The following PLEKHH1 variants were observed in gnomAD, a reference collection of about 807,000 sequenced individuals.
PLEKHH1 encodes the protein pleckstrin homology domain-containing family H member 1.
PLEKHH1 carries 104 observed loss-of-function variants against 160.0 expected under a neutral mutation model. The observed-to-expected ratio is 0.65, with a 90% confidence interval of 0.55 to 0.76. The LOEUF (loss-of-function observed/expected upper bound fraction) is 0.76. PLEKHH1 is among the 30% of genes least tolerant of loss of function. The pLI is 0.00. For missense variants in PLEKHH1, 1,427 were observed against 1,724.1 expected (o/e 0.83, Z 3.05); for synonymous variants, 619 against 678.4 (o/e 0.91, Z 1.36).
intron 11 of PLEKHH1, 98 bp downstream of exon 11, chr14:67,572,375 A>T: frequency 1.3e-5 from 5 of 373,134 alleles, no homozygotes; most frequent in Non-Finnish European, 1.9e-5. Flanking sequence ...GCCTGAAGTG[A>T]GGGGTCCCTA....
intron 9 of PLEKHH1, 105 bp from the exon 10 acceptor site, chr14:67,571,647 G>T (rs923618195): frequency 3.5e-6 from 4 of 1,130,110 alleles, no homozygotes; most frequent in Non-Finnish European, 2.6e-6. Flanking sequence ...TCCCGGCTGG[G>T]GGTTGGCCAC....
At chr14:67,547,475 G>A (rs2034226572) in intron 2 of PLEKHH1, among the ~76,000 whole-genome samples, 1 of 152,188 alleles carries the variant, frequency 6.6e-6, no homozygotes, top group Non-Finnish European at 1.5e-5. Flanking sequence ...GAGAGCTCCT[G>A]CTGGGGCCAA....
rs931812926 is a variant in PLEKHH1, at chr14:67,578,725, C to T, written c.2849+94C>T. On this transcript the variant is annotated intron_variant, in intron 20 of 28. Coordinates refer to ENST00000329153, the MANE Select transcript of PLEKHH1 (RefSeq NM_020715.3). The surrounding 1 kb of genome is among the most constrained non-coding windows in gnomAD (Gnocchi z 5.0). The stretch of plus-strand genomic sequence containing the variant: ...GAGGAGTCTAGGGCAGACCAGATCA[C>T]TCCTGTCCTCTGAAACCGCTCAGTG... 34 of 815,050 alleles carry T rather than the reference C, an allele frequency of 4.2e-5. No homozygotes were observed. In the African/African-American group the frequency reaches 4.7e-4, roughly 11 times the overall value. The allele number at this position is 815,050 out of a possible 1,614,324, so 50.5% of individuals were successfully genotyped here.
chr14:67,585,686 C>T (rs1473227308), intron 27 of PLEKHH1, 32 bp downstream of exon 27: 1 of 1,402,102 alleles, frequency 7.1e-7, no homozygotes, highest in African/African-American at 1.4e-5. Context: ...TCCCTGACCC[C>T]TCCTCTTCCT....
At chr14:67,541,595 G>T (rs964924367) in intron 1 of PLEKHH1, among the ~76,000 whole-genome samples, 6 of 152,176 alleles carry the variant, frequency 3.9e-5, no homozygotes, top group African/African-American at 1.4e-4. Context: ...TCTCCTTAAG[G>T]TTTCTCAGGT....
Position 67,569,164 on chromosome 14 carries a change from A to T in PLEKHH1, c.1290A>T (p.Thr430=). The part of the protein sequence containing the change: ...SWESRIYAVA[T]SGMRLSDMSP... ...AGAGCCGGATCTATGCTGTGGCCAC[A>T]TCGGGCATGCGGCTCTCAGATATGT... The change falls in exon 8 of 29, where the codon ACA becomes ACT. Residue 430 remains threonine, a synonymous_variant. Transcript: ENST00000329153. 6.2e-7 allele frequency: 1 copy of T among 1,613,166 alleles called. No individual in the cohort carries two copies. Among genetic ancestry groups the T allele is most frequent in the Non-Finnish European group, 8.5e-7 (1 of 1,179,348 alleles).
At chr14:67,571,991 G>A in intron 10 of PLEKHH1, 89 bp downstream of exon 10, 1 of 1,506,590 alleles carries the variant, frequency 6.6e-7, no homozygotes, top group Non-Finnish European at 9.0e-7. Flanking sequence ...GTCCCCACTT[G>A]ATCTGAGCTC....
Position 67,576,351 on chromosome 14 carries a change from C to T in PLEKHH1, c.2353-44C>T. 8.8e-7 allele frequency: 1 copy of T among 1,142,686 alleles called. No individual in the cohort carries two copies. Among genetic ancestry groups the T allele is most frequent in the African/African-American group, 1.5e-5 (1 of 65,880 alleles). The allele number at this position is 1,142,686 out of a possible 1,614,324, so 70.8% of individuals were successfully genotyped here. A position where few individuals can be genotyped will look rare whatever the true frequency, so the allele number is the denominator to read the frequency against. The stretch of plus-strand genomic sequence containing the variant: ...CCTCCTTGGAGCTCTTGCCTCCACT[C>T]TTCCCACCCCGTCCCCATCCGATGG... On this transcript the variant is annotated intron_variant, in intron 16 of 28. Transcript: ENST00000329153. The surrounding 1 kb of genome is among the most constrained non-coding windows in gnomAD (Gnocchi z 4.0).
At chr14:67,558,258 C>T (rs1459037522) in intron 4 of PLEKHH1, among the ~76,000 whole-genome samples, 1 of 152,196 alleles carries the variant, frequency 6.6e-6, no homozygotes, top group Non-Finnish European at 1.5e-5. Context: ...AAACACCCCA[C>T]AGTCTGGACA....
At position 67,574,238 on chromosome 14, in the gene PLEKHH1, A is replaced by T; in HGVS notation, c.1927-4A>T. 1 of 1,593,740 alleles carries T rather than the reference A, an allele frequency of 6.3e-7. No homozygotes were observed. Among genetic ancestry groups the T allele is most frequent in the South Asian group, 1.1e-5 (1 of 87,272 alleles). ...GCCCCACCCCCATATCTCGCCCTCC[A>T]CAGCTCATCTCTGAGAAGAAAACCT... is the stretch of plus-strand genomic sequence containing the variant. On this transcript the variant is annotated splice_region_variant and splice_polypyrimidine_tract_variant and intron_variant, in intron 13 of 28. Transcript: ENST00000329153. The surrounding 1 kb of genome is among the most constrained non-coding windows in gnomAD (Gnocchi z 4.2).
chr14:67,580,499 A>G (rs1387722080), intron 22 of PLEKHH1, among the ~76,000 whole-genome samples: 5 of 152,240 alleles, frequency 3.3e-5, no homozygotes, highest in African/African-American at 9.6e-5. Context: ...AAAGGCTTCT[A>G]TGGTCTTTTA....
chr14:67,586,385 C>A (rs1049224769), intron 28 of PLEKHH1: 1 of 1,371,498 alleles, frequency 7.3e-7, no homozygotes, highest in South Asian at 1.2e-5. Context: ...ATCATGCAGT[C>A]CTCAGTTGGG....
In PLEKHH1 at chr14:67,589,226, C is replaced by T; in HGVS notation, c.*1991C>T. Reference sequence around the variant, plus strand: ...CACTGAATTTGGGGTCAATCTATTTCCCCCACCCTCTCTCCTCCCCAACCC... The same window carrying T: ...CACTGAATTTGGGGTCAATCTATTTTCCCCACCCTCTCTCCTCCCCAACCC... On this transcript the variant is annotated 3_prime_UTR_variant, in exon 29 of 29. Transcript: ENST00000329153. The T allele has an allele frequency of 4.9e-6, 2 of 412,100 alleles. No individual in the cohort carries two copies. Among genetic ancestry groups the T allele is most frequent in the Non-Finnish European group, 6.5e-6 (2 of 305,904 alleles). The allele number at this position is 412,100 out of a possible 1,614,324, so 25.5% of individuals were successfully genotyped here.
chr14:67,574,491 C>T lies in PLEKHH1; in HGVS notation c.2088+88C>T, dbSNP rs927007166. On this transcript the variant is annotated intron_variant, in intron 14 of 28. Transcript: ENST00000329153. The surrounding 1 kb of genome is among the most constrained non-coding windows in gnomAD (Gnocchi z 4.2). ...GGGGTGCCGAGGGTGGTGGGTTCCCCCTTATACGGGGCTCCTTTCTCTGGG... is the reference window on the plus strand; with the variant it reads ...GGGGTGCCGAGGGTGGTGGGTTCCCTCTTATACGGGGCTCCTTTCTCTGGG... The T allele has an allele frequency of 9.1e-7, 1 of 1,097,212 alleles. No individual in the cohort carries two copies. The highest frequency in any genetic ancestry group is 1.2e-6 in the Non-Finnish European group (1 of 815,372). 68.0% of individuals were successfully genotyped at this position (1,097,212 alleles called of 1,614,324 possible).
chr14:67,577,514 AG>A, intron 18 of PLEKHH1, 100 bp downstream of exon 18: 1 of 754,932 alleles, frequency 1.3e-6, no homozygotes, highest in East Asian at 2.7e-5. Flanking sequence ...GGATCTGGAG[AG>A]GAAGGGAAGG....
rs1171477680 is a variant in PLEKHH1, at chr14:67,587,267, T to C, written c.*32T>C. 6.2e-7 allele frequency: 1 copy of C among 1,611,444 alleles called. No individual in the cohort carries two copies. On this transcript the variant is annotated 3_prime_UTR_variant, in exon 29 of 29. Transcript: ENST00000329153. ...CTCCTACCCGATTCCCCAACACCACTAGTGCCTCTGGATTTAGAGATATAT... is the reference window on the plus strand; with the variant it reads ...CTCCTACCCGATTCCCCAACACCACCAGTGCCTCTGGATTTAGAGATATAT...
Position 67,557,249 on chromosome 14 carries a change from G to A in PLEKHH1, c.190-20G>A, listed in dbSNP as rs113936199. The A allele has an allele frequency of 3.7e-6, 6 of 1,610,946 alleles. No individual in the cohort carries two copies. The African/African-American group carries it at 4.0e-5, about 11-fold the overall frequency. On this transcript the variant is annotated intron_variant, in intron 3 of 28. Coordinates refer to ENST00000329153, the MANE Select transcript of PLEKHH1 (RefSeq NM_020715.3). Reference sequence around the variant, plus strand: ...CGTGTGAGTGATGGGAAGACACTATGAGATCATTGTACTTTTCAGGTGGGT... The same window carrying A: ...CGTGTGAGTGATGGGAAGACACTATAAGATCATTGTACTTTTCAGGTGGGT...
intron 2 of PLEKHH1, among the ~76,000 whole-genome samples, chr14:67,553,133 A>G (rs888544933): frequency 6.6e-6 from 1 of 151,412 alleles, no homozygotes; most frequent in Non-Finnish European, 1.5e-5. Context: ...TTTCCATCAG[A>G]TGAAGTCAGA....
chr14:67,553,442 G>A (rs1301789053), intron 2 of PLEKHH1, among the ~76,000 whole-genome samples: 2 of 152,114 alleles, frequency 1.3e-5, no homozygotes, highest in African/African-American at 4.8e-5. Context: ...GAAGGATCCT[G>A]GGGCAGCTCA....
Sources: gnomAD v4.1 joint callset for allele counts (sites outside exome capture counted in the v4.1 genomes callset) on GRCh38, gnomAD v4.1.1 for gene constraint, Gnocchi (gnomAD v3.1) non-coding constraint, MANE v1.5 for transcripts, NCBI Gene and HGNC (gene_info 2026-07-23, HGNC 2026-07-21) for gene names.